Variants in TRAPPC8 observed in about 807,000 individuals in gnomAD.
The protein encoded by TRAPPC8 is general sporulation gene 1 homolog.
Under a neutral mutation model 174.3 loss-of-function variants are expected in TRAPPC8, and 54 were observed. The observed-to-expected ratio is 0.31, with a 90% CI of 0.25 to 0.39. TRAPPC8 has a LOEUF of 0.39. TRAPPC8 is among the 10% of genes least tolerant of loss of function. The probability of loss-of-function intolerance (pLI) is 1.00; values close to 1 mark genes in which losing one functional copy is unlikely to be tolerated. For synonymous variants in TRAPPC8, 630 were observed against 579.9 expected, an observed-to-expected ratio of 1.09 and a Z score of -1.24; for missense variants, 1,531 against 1,699.1, an observed-to-expected ratio of 0.90 and a Z score of 1.74.
intron 4 of TRAPPC8, among the ~76,000 whole-genome samples, chr18:31,914,209 ATAC>A (rs1225765807): frequency 6.6e-6 from 1 of 152,052 alleles, no homozygotes; most frequent in Non-Finnish European, 1.5e-5. Context: ...TCAAATGTAA[ATAC>A]TAATACTATG....
Position 31,873,555 on chromosome 18 carries a change from A to G in TRAPPC8, c.1954-17T>C. ...ACTTACATTCTGAGAGAAATATAAA[A>G]GGGAAAAAAAGTAGTTTTTGTGAAA... On this transcript the variant is annotated splice_polypyrimidine_tract_variant and intron_variant, in intron 13 of 28. Transcript: ENST00000283351. The G allele has an allele frequency of 6.4e-7, 1 of 1,566,652 alleles. No individual in the cohort carries two copies. Among genetic ancestry groups the G allele is most frequent in the Non-Finnish European group, 8.7e-7 (1 of 1,150,194 alleles).
chr18:31,887,300 C>T (rs762255993), intron 12 of TRAPPC8, among the ~76,000 whole-genome samples: 2 of 152,210 alleles, frequency 1.3e-5, no homozygotes, highest in Non-Finnish European at 2.9e-5. Context: ...TTCAACATCT[C>T]TTCATGTTAA....
chr18:31,864,007 TATA>T (rs1277235411), intron 19 of TRAPPC8, among the ~76,000 whole-genome samples: 2 of 147,454 alleles, frequency 1.4e-5, no homozygotes, highest in African/African-American at 2.5e-5. Flanking sequence ...AATACTTTAT[TATA>T]ATATGTTATT....
chr18:31,908,315 G>A lies in TRAPPC8; in HGVS notation c.1226C>T (p.Thr409Ile), dbSNP rs754930778. The A allele has an allele frequency of 1.9e-6, 3 of 1,598,860 alleles. No individual in the cohort carries two copies. In the African/African-American group the frequency reaches 4.0e-5, roughly 22 times the overall value. The change falls in exon 8 of 29, where the codon ACA becomes ATA. Residue 409 changes from threonine (T) to isoleucine (I), a missense_variant. Thr to Ile is a moderately conservative substitution (Grantham distance 89). Transcript: ENST00000283351. The part of the protein sequence containing the change: ...PEKSINDLKN[T>I]SGLLYPPEAP... Reference sequence around the variant, plus strand: ...ACACTTTACTCACAGCAAGCCAGATGTATTTTTCAGGTCATTAATGCTCTT... The same window carrying A: ...ACACTTTACTCACAGCAAGCCAGATATATTTTTCAGGTCATTAATGCTCTT...
intron 2 of TRAPPC8, among the ~76,000 whole-genome samples, chr18:31,920,442 G>A (rs1235354531): frequency 6.6e-6 from 1 of 152,138 alleles, no homozygotes; most frequent in East Asian, 1.9e-4. Flanking sequence ...AGTCTAATTA[G>A]AAGAGTTACT....
intron 11 of TRAPPC8, among the ~76,000 whole-genome samples, chr18:31,893,445 T>C (rs1381137032): frequency 6.6e-6 from 1 of 152,042 alleles, no homozygotes; most frequent in Non-Finnish European, 1.5e-5. Context: ...CTGGTTTCAT[T>C]TTTTATTATA....
At chr18:31,885,123 CT>C (rs1213641057) in intron 12 of TRAPPC8, among the ~76,000 whole-genome samples, 1 of 152,074 alleles carries the variant, frequency 6.6e-6, no homozygotes, top group Non-Finnish European at 1.5e-5. Context: ...TCCCAAAGTG[CT>C]GGGATTATAG....
intron 3 of TRAPPC8, among the ~76,000 whole-genome samples, chr18:31,916,814 A>C (rs2037169491): frequency 6.8e-6 from 1 of 147,486 alleles, no homozygotes; most frequent in Non-Finnish European, 1.5e-5. Context: ...GATTATAGGC[A>C]TGAGCCACCG....
chr18:31,910,949 T>C (rs927906495), intron 5 of TRAPPC8, among the ~76,000 whole-genome samples: 2 of 152,194 alleles, frequency 1.3e-5, no homozygotes, highest in African/African-American at 2.4e-5. Context: ...TTCCTTCACA[T>C]CCAACTGGTA....
At chr18:31,910,140 G>A (rs2036847002) in intron 5 of TRAPPC8, among the ~76,000 whole-genome samples, 1 of 152,162 alleles carries the variant, frequency 6.6e-6, no homozygotes, top group Admixed American at 6.5e-5. Context: ...GTCAGACGGG[G>A]AAAGAAGAGA....
intron 24 of TRAPPC8, among the ~76,000 whole-genome samples, chr18:31,850,917 A>C (rs1056585476): frequency 4.6e-5 from 7 of 152,222 alleles, no homozygotes; most frequent in Admixed American, 1.3e-4. Flanking sequence ...GAAATTTAAA[A>C]AAAAATAACT....
intron 19 of TRAPPC8, among the ~76,000 whole-genome samples, chr18:31,858,658 TA>T (rs1457760398): frequency 6.6e-6 from 1 of 152,170 alleles, no homozygotes; most frequent in Non-Finnish European, 1.5e-5. Flanking sequence ...CACACACTTC[TA>T]AAAAAAATTT....
At chr18:31,831,978 G>C in intron 28 of TRAPPC8, 106 bp downstream of exon 28, 1 of 716,946 alleles carries the variant, frequency 1.4e-6, no homozygotes, top group Non-Finnish European at 2.1e-6. Flanking sequence ...AAAAAACCAG[G>C]ACAAGCTTGA....
chr18:31,842,594 T>C (rs1662094897), intron 26 of TRAPPC8, among the ~76,000 whole-genome samples: 1 of 152,244 alleles, frequency 6.6e-6, no homozygotes, highest in African/African-American at 2.4e-5. Flanking sequence ...TATAATTTTA[T>C]AACTGACTGA....
At chr18:31,941,007 T>C (rs1198784486) in intron 1 of TRAPPC8, among the ~76,000 whole-genome samples, 1 of 138,256 alleles carries the variant, frequency 7.2e-6, no homozygotes, top group African/African-American at 2.6e-5. Flanking sequence ...AAATTTAAAA[T>C]TGCAATAACA....
At chr18:31,908,220 A>G in intron 8 of TRAPPC8, 83 bp downstream of exon 8, 1 of 685,530 alleles carries the variant, frequency 1.5e-6, no homozygotes, top group Non-Finnish European at 2.2e-6. Flanking sequence ...TTAAAGAGAT[A>G]GTTATCTTCT....
intron 9 of TRAPPC8, among the ~76,000 whole-genome samples, chr18:31,902,130 C>CA (rs1205710561): frequency 6.6e-6 from 1 of 152,158 alleles, no homozygotes; most frequent in Non-Finnish European, 1.5e-5. Flanking sequence ...GCCTTGTGAA[C>CA]ATGGTGAAAC....
chr18:31,846,894 A>C, intron 25 of TRAPPC8, 77 bp from the exon 26 acceptor site: 1 of 1,026,308 alleles, frequency 9.7e-7, no homozygotes, highest in East Asian at 2.4e-5. Context: ...ACTTGATAGA[A>C]AGTGGAAATA....
intron 5 of TRAPPC8, among the ~76,000 whole-genome samples, chr18:31,910,604 G>A (rs574153896): frequency 5.9e-5 from 9 of 152,208 alleles, no homozygotes; most frequent in Non-Finnish European, 1.0e-4. Context: ...TAAGCAAAAT[G>A]AGAGAATTTT....
Sources: gnomAD v4.1 joint callset for allele counts (sites outside exome capture counted in the v4.1 genomes callset) on GRCh38, gnomAD v4.1.1 for gene constraint, MANE v1.5 for transcripts, NCBI Gene and HGNC (gene_info 2026-07-23, HGNC 2026-07-21) for gene names.